AGAP1: variants seen among roughly 807,000 people sequenced by gnomAD.
AGAP1 encodes ArfGAP with GTPase domain, ankyrin repeat and PH domain 1.
A neutral mutation model predicts 105.3 loss-of-function variants in AGAP1; 29 were observed. The observed-to-expected ratio is 0.28, with a 90% CI of 0.21 to 0.38. AGAP1 has a LOEUF of 0.38. Among genes scored for constraint, AGAP1 ranks in the 10% least tolerant of loss-of-function variants. AGAP1 has a pLI of 1.00. For synonymous variants in AGAP1, 509 were observed against 485.9 expected (o/e 1.05, Z -0.63); for missense variants, 998 against 1,165.1 (o/e 0.86, Z 2.09).
rs1376118906 is a variant in AGAP1 at position 235,621,895 on chromosome 2, G to T, written c.164-87284G>T. ...AGGGGTGCGATCGGAAGGGAGTGCC[G>T]CGCAGACCCCCCCACCCCCTCAGAA... On this transcript the variant is annotated intron_variant, in intron 1 of 17. Coordinates refer to ENST00000304032, the MANE Select transcript of AGAP1 (RefSeq NM_001037131.3). This position sits in a 1 kb window ranked among gnomAD's most constrained non-coding sequence, Gnocchi z 4.1. 7.8e-6 allele frequency among the ~76,000 whole-genome samples: 1 copy of T among 128,000 alleles called. No individual in the cohort carries two copies. Among genetic ancestry groups the T allele is most frequent in the South Asian group, 3.0e-4 (1 of 3,344 alleles). 84.0% of individuals were successfully genotyped at this position (128,000 alleles called of 152,430 possible).
In AGAP1 at chr2:236,105,024, G is replaced by T. The variant is rs1458996392; in HGVS notation, c.2115-15168G>T. 6.6e-6 allele frequency among the ~76,000 whole-genome samples: 1 copy of T among 152,150 alleles called. No individual in the cohort carries two copies. The highest frequency in any genetic ancestry group is 2.4e-5 in the African/African-American group (1 of 41,440). On this transcript the variant is annotated intron_variant, in intron 16 of 17. Transcript: ENST00000304032. The surrounding 1 kb of genome is among the most constrained non-coding windows in gnomAD (Gnocchi z 4.2). ...TCACCAACTCCACTCTGGCAGGTTA[G>T]CATCAGGAGAGACACTGTCCTGGCT...
chr2:235,544,363 C>T (rs776309530), intron 1 of AGAP1, among the ~76,000 whole-genome samples: 4 of 152,184 alleles, frequency 2.6e-5, no homozygotes, highest in Admixed American at 6.5e-5. Flanking sequence ...GTTCTGAGTC[C>T]CGCAGGGACT....
rs1338203637 is a variant in AGAP1, at chr2:235,612,124, A to G, written c.164-97055A>G. 2.0e-5 allele frequency among the ~76,000 whole-genome samples: 3 copies of G among 152,122 alleles called. No homozygotes were observed. Among genetic ancestry groups the G allele is most frequent in the African/African-American group, 7.2e-5 (3 of 41,448 alleles). On this transcript the variant is annotated intron_variant, in intron 1 of 17. Coordinates refer to ENST00000304032, the MANE Select transcript of AGAP1 (RefSeq NM_001037131.3). The surrounding 1 kb of genome is among the most constrained non-coding windows in gnomAD (Gnocchi z 4.3). ...ATCGTAATCTGAGTGCAATTTCAGGACTTTGTTTTCCAGATGGCTTATTGT... is the reference window on the plus strand; with the variant it reads ...ATCGTAATCTGAGTGCAATTTCAGGGCTTTGTTTTCCAGATGGCTTATTGT...
chr2:235,587,370 G>C (rs900840201), intron 1 of AGAP1, among the ~76,000 whole-genome samples: 7 of 152,176 alleles, frequency 4.6e-5, no homozygotes, highest in Non-Finnish European at 1.0e-4. Context: ...ACCATAGGTG[G>C]GAGGCTGGGA....
rs905475916 is a variant in AGAP1 at position 235,612,075 on chromosome 2, G to A, written c.164-97104G>A. Among the ~76,000 whole-genome samples, 1 of 152,202 alleles carries A rather than the reference G, an allele frequency of 6.6e-6. No individual in the cohort carries two copies. The highest frequency in any genetic ancestry group is 1.5e-5 in the Non-Finnish European group (1 of 68,042). ...CTAGAGTCTCACTGGAGAACAATCAGACATGCTTTATTTTCTACTTGTAAT... is the reference window on the plus strand; with the variant it reads ...CTAGAGTCTCACTGGAGAACAATCAAACATGCTTTATTTTCTACTTGTAAT... On this transcript the variant is annotated intron_variant, in intron 1 of 17. Coordinates refer to ENST00000304032, the MANE Select transcript of AGAP1 (RefSeq NM_001037131.3). The surrounding 1 kb of genome is among the most constrained non-coding windows in gnomAD (Gnocchi z 4.3).
Position 235,927,904 on chromosome 2 carries a change from C to G in AGAP1, c.1325-2861C>G, listed in dbSNP as rs1205114161. Among the ~76,000 whole-genome samples, 3 of 152,194 alleles carry G rather than the reference C, an allele frequency of 2.0e-5. No individual in the cohort carries two copies. The highest frequency in any genetic ancestry group is 7.2e-5 in the African/African-American group (3 of 41,442). ...TTTCAGGTATTTGGACCTTGTGTGC[C>G]TAAAGCTGGTATAAAATGAGGTCTG... On this transcript the variant is annotated intron_variant, in intron 11 of 17. Coordinates refer to ENST00000304032, the MANE Select transcript of AGAP1 (RefSeq NM_001037131.3). The surrounding 1 kb of genome is among the most constrained non-coding windows in gnomAD (Gnocchi z 4.4).
rs1957308148 is a variant in AGAP1, at chr2:235,797,744, C to G, written c.674-15C>G. Reference sequence around the variant, plus strand: ...TTGATTGACATGGATTTCTTTTTGTCTGTGTGTCCACCAGTTGCCCAGAAG... The same window carrying G: ...TTGATTGACATGGATTTCTTTTTGTGTGTGTGTCCACCAGTTGCCCAGAAG... On this transcript the variant is annotated splice_polypyrimidine_tract_variant and intron_variant, in intron 6 of 17. Coordinates refer to ENST00000304032, the MANE Select transcript of AGAP1 (RefSeq NM_001037131.3). The G allele has an allele frequency of 6.2e-7, 1 of 1,613,304 alleles. No homozygotes were observed. Among genetic ancestry groups the G allele is most frequent in the Non-Finnish European group, 8.5e-7 (1 of 1,179,842 alleles).
chr2:236,129,846 A>T lies in AGAP1; in HGVS notation c.*5724A>T, dbSNP rs955886765. ...GTTGTATGAGAAAGTATTTAAGTTC[A>T]CCAGTGTAGTAAACACCCACCCCAG... On this transcript the variant is annotated 3_prime_UTR_variant, in exon 18 of 18. Coordinates refer to ENST00000304032, the MANE Select transcript of AGAP1 (RefSeq NM_001037131.3). This position sits in a 1 kb window ranked among gnomAD's most constrained non-coding sequence, Gnocchi z 6.2. 3.9e-5 allele frequency: 6 copies of T among 152,202 alleles called. No individual in the cohort carries two copies. Among genetic ancestry groups the T allele is most frequent in the African/African-American group, 1.4e-4 (6 of 41,450 alleles). The allele number at this position is 152,202 out of a possible 1,614,324, so 9.4% of individuals were successfully genotyped here.
intron 12 of AGAP1, among the ~76,000 whole-genome samples, chr2:235,954,054 A>AC (rs1175947540): frequency 6.6e-6 from 1 of 151,936 alleles, no homozygotes; most frequent in African/African-American, 2.4e-5. Flanking sequence ...ACATGGAGAA[A>AC]CCTTGTTTCT....
rs764246175 is a variant in AGAP1 at position 235,717,617 on chromosome 2, A to G, written c.283A>G (p.Thr95Ala). ...CCTGGTGCACCGGTACCTGACGGGC[A>G]CATATGTCCAGGAGGAGTCTCCGGA... ...SALVHRYLTG[T>A]YVQEESPEGG... The change falls in exon 3 of 18, where the codon ACA becomes GCA. Residue 95 changes from threonine (T) to alanine (A), a missense_variant. Physicochemically the swap from Thr to Ala is moderately conservative, Grantham distance 58. This residue lies in a region of AGAP1 where 735 missense variants were observed against 833.4 expected (regional missense o/e 0.88). Transcript: ENST00000304032. The G allele has an allele frequency of 1.2e-6, 2 of 1,605,216 alleles. No homozygotes were observed. The highest frequency in any genetic ancestry group is 1.7e-6 in the Non-Finnish European group (2 of 1,178,244).
intron 11 of AGAP1, among the ~76,000 whole-genome samples, chr2:235,928,813 G>A (rs916216137): frequency 6.6e-6 from 1 of 152,168 alleles, no homozygotes; most frequent in Non-Finnish European, 1.5e-5. Flanking sequence ...AAAATACAGG[G>A]AGGAGCATGA....
At chr2:235,676,403 G>A (rs1277326826) in intron 1 of AGAP1, among the ~76,000 whole-genome samples, 4 of 152,182 alleles carry the variant, frequency 2.6e-5, no homozygotes, top group Admixed American at 6.5e-5. Flanking sequence ...GTTTATGGGT[G>A]GAACTAATGA....
intron 6 of AGAP1, among the ~76,000 whole-genome samples, chr2:235,790,852 A>G (rs12474630): frequency 0.29 from 44,182 of 152,068 alleles, 6,677 homozygotes; most frequent in Admixed American, 0.41. Flanking sequence ...GAATTGGCCC[A>G]TTGTCTTGGA....
chr2:236,083,252 C>G lies in AGAP1; in HGVS notation c.2114+33971C>G, dbSNP rs1282174933. Among the ~76,000 whole-genome samples, 2 of 152,202 alleles carry G rather than the reference C, an allele frequency of 1.3e-5. No individual in the cohort carries two copies. Among genetic ancestry groups the G allele is most frequent in the Non-Finnish European group, 2.9e-5 (2 of 68,040 alleles). On this transcript the variant is annotated intron_variant, in intron 16 of 17. Coordinates refer to ENST00000304032, the MANE Select transcript of AGAP1 (RefSeq NM_001037131.3). This position sits in a 1 kb window ranked among gnomAD's most constrained non-coding sequence, Gnocchi z 5.3. ...TTGTCAGTCGCCGAGGCTTCGGTCT[C>G]AGGTTTTTCAGGTCAGTGTGTGCCT...
chr2:235,654,881 A>C (rs1262524699), intron 1 of AGAP1, among the ~76,000 whole-genome samples: 1 of 152,246 alleles, frequency 6.6e-6, no homozygotes, highest in African/African-American at 2.4e-5. Context: ...TATCTGGAGC[A>C]AGATTAAACA....
chr2:235,782,465 G>T (rs189198626), intron 6 of AGAP1, among the ~76,000 whole-genome samples: 1 of 152,284 alleles, frequency 6.6e-6, no homozygotes, highest in African/African-American at 2.4e-5. Flanking sequence ...ATGTATTTGA[G>T]TGTCCACAGT....
At chr2:235,767,273 C>T (rs1036844272) in intron 6 of AGAP1, among the ~76,000 whole-genome samples, 1 of 151,854 alleles carries the variant, frequency 6.6e-6, no homozygotes, top group Non-Finnish European at 1.5e-5. Context: ...TCTCTCTTAA[C>T]AGAATGCACC....
intron 1 of AGAP1, among the ~76,000 whole-genome samples, chr2:235,501,669 T>A (rs1377615887): frequency 6.6e-6 from 1 of 152,182 alleles, no homozygotes; most frequent in African/African-American, 2.4e-5. Flanking sequence ...TTTCCCCCTG[T>A]ATACCCTGCA....
Position 235,816,896 on chromosome 2 carries a change from A to AG in AGAP1, c.1050+9565_1050+9566insG, listed in dbSNP as rs1958490676. On this transcript the variant is annotated intron_variant, in intron 9 of 17. Coordinates refer to ENST00000304032, the MANE Select transcript of AGAP1 (RefSeq NM_001037131.3). ...TCTGTCTCAAAAAGAAGAAAAAAAA[A>AG]AAGATATCTACCAAGACCAAGACTC... Among the ~76,000 whole-genome samples the AG allele has an allele frequency of 2.0e-5, 3 of 151,942 alleles. No individual in the cohort carries two copies. The South Asian group carries it at 6.2e-4, about 32-fold the overall frequency.
Sources: allele counts gnomAD v4.1 joint callset (sites outside exome capture counted in the v4.1 genomes callset), GRCh38; gene constraint gnomAD v4.1.1; regional missense constraint gnomAD v4.1.1; non-coding constraint Gnocchi (gnomAD v3.1); transcripts MANE v1.5; gene names NCBI Gene and HGNC (gene_info 2026-07-23, HGNC 2026-07-21).